The following RANBP2 variants were observed in gnomAD, a reference collection of about 807,000 sequenced individuals.
RANBP2 encodes E3 SUMO-protein ligase RanBP2.
In RANBP2, 57 loss-of-function variants were observed where a neutral mutation model predicts 303.6. The ratio of observed to expected loss-of-function variants is 0.19; its 90% CI spans 0.15 to 0.23. The LOEUF is 0.23. RANBP2 is among the 10% of genes least tolerant of loss of function. RANBP2 has a pLI of 1.00. For missense variants in RANBP2, 3,138 were observed against 3,780.8 expected, an observed-to-expected ratio of 0.83 and a Z score of 4.46; for synonymous variants, 1,167 against 1,301.5, an observed-to-expected ratio of 0.90 and a Z score of 2.23.
chr2:109,493,178 C>G, the RANBP2 span, among the ~76,000 whole-genome samples: 1 of 151,036 alleles, frequency 6.6e-6, no homozygotes, highest in Non-Finnish European at 1.5e-5. Flanking sequence ...ATACGCCATG[C>G]AAACACACAC....
At chr2:109,213,578 G>A in the RANBP2 span, among the ~76,000 whole-genome samples, 1 of 152,302 alleles carries the variant, frequency 6.6e-6, no homozygotes, top group African/African-American at 2.4e-5. Flanking sequence ...GGAAGATGGG[G>A]GCATTGGGTG....
the RANBP2 span, among the ~76,000 whole-genome samples, chr2:109,713,213 G>A: frequency 6.6e-6 from 1 of 152,284 alleles, no homozygotes; most frequent in East Asian, 1.9e-4. Context: ...AGGAGAGATG[G>A]TGAACTGCAA....
chr2:109,365,442 G>T, the RANBP2 span, among the ~76,000 whole-genome samples: 216 of 152,292 alleles, frequency 1.4e-3, no homozygotes, highest in Non-Finnish European at 2.4e-3. Flanking sequence ...AATTTGGGGG[G>T]CAGCAGTTTG....
the RANBP2 span, among the ~76,000 whole-genome samples, chr2:109,573,064 T>C: frequency 6.6e-6 from 1 of 152,230 alleles, no homozygotes; most frequent in African/African-American, 2.4e-5. Flanking sequence ...CAAACTTCTA[T>C]GGCAGATAGG....
At chr2:108,842,319 G>A in the RANBP2 span, among the ~76,000 whole-genome samples, 3 of 151,696 alleles carry the variant, frequency 2.0e-5, no homozygotes, top group Admixed American at 6.6e-5. Context: ...AATTACAGAC[G>A]TGAGCCAACC....
the RANBP2 span, chr2:109,503,382 G>T: frequency 1.3e-5 from 2 of 152,134 alleles, no homozygotes; most frequent in Non-Finnish European, 2.9e-5. Flanking sequence ...CCTGTTTTGG[G>T]ACGTGACTTG....
At chr2:109,364,659 C>G in the RANBP2 span, among the ~76,000 whole-genome samples, 1 of 152,236 alleles carries the variant, frequency 6.6e-6, no homozygotes, top group Non-Finnish European at 1.5e-5. Context: ...CTCAGTCTTT[C>G]AGCAAGCTTG....
chr2:109,397,619 C>T, the RANBP2 span, among the ~76,000 whole-genome samples: 79,428 of 151,998 alleles, frequency 0.52, 21,211 homozygotes, highest in South Asian at 0.6. Context: ...AGATGGTGAA[C>T]TGACCTAACT....
the RANBP2 span, among the ~76,000 whole-genome samples, chr2:109,554,266 C>T: frequency 7.9e-5 from 12 of 152,148 alleles, 1 homozygote; most frequent in Admixed American, 7.9e-4. Flanking sequence ...CGATGTAATT[C>T]AAAAACAAAC....
the RANBP2 span, among the ~76,000 whole-genome samples, chr2:108,904,600 G>T: frequency 6.6e-5 from 10 of 152,254 alleles, no homozygotes; most frequent in South Asian, 1.7e-3. Context: ...ACCAACTCTG[G>T]TCCATTTATG....
chr2:109,772,486 C>CA, the RANBP2 span, among the ~76,000 whole-genome samples: 1 of 85,096 alleles, frequency 1.2e-5, no homozygotes, highest in Non-Finnish European at 2.3e-5. Flanking sequence ...TAAGGAAAGG[C>CA]AAAGAGGTGA....
At chr2:109,198,767 C>T in the RANBP2 span, among the ~76,000 whole-genome samples, 1 of 152,186 alleles carries the variant, frequency 6.6e-6, no homozygotes, top group Admixed American at 6.5e-5. Context: ...GCCTCACCTC[C>T]TGATACCAAA....
chr2:109,439,663 G>A, the RANBP2 span, among the ~76,000 whole-genome samples: 1 of 152,144 alleles, frequency 6.6e-6, no homozygotes, highest in African/African-American at 2.4e-5. Context: ...TAAAGTGCCA[G>A]TGTTCCTTGC....
At chr2:109,674,606 G>GA in the RANBP2 span, among the ~76,000 whole-genome samples, 14 of 150,820 alleles carry the variant, frequency 9.3e-5, no homozygotes, top group African/African-American at 3.4e-4. Context: ...CAAGAAAAAA[G>GA]AAAAAAAATA....
At chr2:109,518,377 C>T in the RANBP2 span, among the ~76,000 whole-genome samples, 291 of 152,286 alleles carry the variant, frequency 1.9e-3, no homozygotes, top group Admixed American at 3.4e-3. Context: ...TCATCATGGT[C>T]ATTTTACAAA....
the RANBP2 span, among the ~76,000 whole-genome samples, chr2:109,134,750 C>G: frequency 6.6e-6 from 1 of 152,142 alleles, no homozygotes; most frequent in Admixed American, 6.5e-5. Context: ...GTTGGTAGCA[C>G]GATTCTAAAC....
At chr2:109,293,473 G>A in the RANBP2 span, among the ~76,000 whole-genome samples, 1 of 152,126 alleles carries the variant, frequency 6.6e-6, no homozygotes, top group Non-Finnish European at 1.5e-5. Context: ...GCCCTACCCT[G>A]CCCCCTTCTC....
the RANBP2 span, among the ~76,000 whole-genome samples, chr2:109,085,593 A>T: frequency 3.6e-5 from 5 of 137,736 alleles, no homozygotes; most frequent in Non-Finnish European, 7.7e-5. Flanking sequence ...GTGAACCACC[A>T]CACCTGGCTT....
the RANBP2 span, among the ~76,000 whole-genome samples, chr2:108,841,132 G>A: frequency 6.6e-6 from 1 of 152,022 alleles, no homozygotes; most frequent in Non-Finnish European, 1.5e-5. Context: ...CACCGTGTCT[G>A]GCTCAACCCT....
Sources: gnomAD v4.1 joint callset for allele counts (sites outside exome capture counted in the v4.1 genomes callset) on GRCh38, gnomAD v4.1.1 for gene constraint, MANE v1.5 for transcripts, NCBI Gene and HGNC (gene_info 2026-07-23, HGNC 2026-07-21) for gene names.